The following PDE1C variants were observed in gnomAD, a reference collection of about 807,000 sequenced individuals.
PDE1C encodes the protein phosphodiesterase 1C.
In PDE1C, 62 loss-of-function variants were observed where a neutral mutation model predicts 93.1. That is an observed-to-expected ratio of 0.67 (90% CI 0.54 to 0.82). The LOEUF (loss-of-function observed/expected upper bound fraction) is 0.82. Ranked by LOEUF, PDE1C falls within the 40% of genes least tolerant of loss-of-function variation. The pLI is 0.00. For missense variants in PDE1C, 742 were observed against 884.6 expected, an observed-to-expected ratio of 0.84 and a Z score of 2.04; for synonymous variants, 325 against 310.1, an observed-to-expected ratio of 1.05 and a Z score of -0.50.
the PDE1C span, among the ~76,000 whole-genome samples, chr7:31,739,301 C>T: frequency 6.6e-6 from 1 of 151,874 alleles, no homozygotes; most frequent in African/African-American, 2.4e-5. Context: ...TAAAGCCTCA[C>T]TCAGGCATCA....
intron 3 of PDE1C, among the ~76,000 whole-genome samples, chr7:32,136,053 G>A (rs1800188201): frequency 6.6e-6 from 1 of 152,230 alleles, no homozygotes; most frequent in Admixed American, 6.5e-5. Flanking sequence ...TCACTTAAGT[G>A]GTATCTAAAA....
At chr7:32,058,561 A>G (rs1186142840) in intron 1 of PDE1C, among the ~76,000 whole-genome samples, 1 of 152,218 alleles carries the variant, frequency 6.6e-6, no homozygotes, top group African/African-American at 2.4e-5. Flanking sequence ...AGAAACTTCT[A>G]ATGGATCTCT....
chr7:31,848,442 T>C (rs749991638), intron 8 of PDE1C, among the ~76,000 whole-genome samples: 1 of 152,092 alleles, frequency 6.6e-6, no homozygotes, highest in Non-Finnish European at 1.5e-5. Flanking sequence ...TGGAATGACA[T>C]TTATTTTTAT....
chr7:31,878,468 T>A (rs879932885), intron 4 of PDE1C, among the ~76,000 whole-genome samples: 1 of 152,224 alleles, frequency 6.6e-6, no homozygotes, highest in Non-Finnish European at 1.5e-5. Flanking sequence ...TCTTTAAACT[T>A]ACCGTGGTGT....
chr7:32,015,293 T>A (rs1220524902), intron 2 of PDE1C, among the ~76,000 whole-genome samples: 1 of 127,628 alleles, frequency 7.8e-6, no homozygotes, highest in Non-Finnish European at 1.9e-5. Flanking sequence ...TTCAAATGAG[T>A]TTAAAAAAAA....
intron 2 of PDE1C, chr7:32,169,983 A>C (rs778481146): frequency 1.3e-6 from 2 of 1,597,956 alleles, no homozygotes; most frequent in South Asian, 2.2e-5. Flanking sequence ...AGAGAGATGC[A>C]GGTGAATCAT....
intron 2 of PDE1C, among the ~76,000 whole-genome samples, chr7:32,001,455 T>C (rs1011157607): frequency 6.6e-6 from 1 of 152,186 alleles, no homozygotes; most frequent in Non-Finnish European, 1.5e-5. Context: ...ATTACGGTTA[T>C]TTATGTGCAT....
At chr7:31,775,188 T>C (rs928432781) in intron 17 of PDE1C, among the ~76,000 whole-genome samples, 4 of 152,200 alleles carry the variant, frequency 2.6e-5, no homozygotes, top group Non-Finnish European at 5.9e-5. Context: ...ACTATGTCAA[T>C]ACTGGGCTAA....
chr7:31,728,017 T>C, the PDE1C span, among the ~76,000 whole-genome samples: 1 of 152,154 alleles, frequency 6.6e-6, no homozygotes, highest in African/African-American at 2.4e-5. Flanking sequence ...CCACTCCAGC[T>C]TGGGTGACAG....
chr7:32,311,593 G>C (rs925106165), intron 1 of PDE1C, among the ~76,000 whole-genome samples: 5 of 152,094 alleles, frequency 3.3e-5, no homozygotes, highest in Non-Finnish European at 5.9e-5. Flanking sequence ...TGCAAGGCTG[G>C]TTCAATATAC....
intron 16 of PDE1C, chr7:31,786,526 C>T (rs139145861): frequency 5.9e-5 from 9 of 152,208 alleles, no homozygotes; most frequent in African/African-American, 2.2e-4. Flanking sequence ...ATTTTGTTTG[C>T]ATTCACAAGT....
In PDE1C at chr7:32,256,173, A is replaced by C. The variant is rs112839066; in HGVS notation, c.85+42478T>G. Among the ~76,000 whole-genome samples, 1,483 of 152,304 alleles carry C rather than the reference A, an allele frequency of 9.7e-3. 29 individuals are homozygous for C. Among genetic ancestry groups the C allele is most frequent in the African/African-American group, 0.034 (1,428 of 41,570 alleles). On this transcript the variant is annotated intron_variant, in intron 1 of 18. Coordinates refer to the PDE1C transcript ENST00000396193. ...CTTCACCTAAGGCAAGCTTCACACA[A>C]AAAAAATTAATCCTCGGGGATGTGA...
chr7:32,417,459 C>T (rs1329576767), intron 1 of PDE1C, among the ~76,000 whole-genome samples: 1 of 152,088 alleles, frequency 6.6e-6, no homozygotes, highest in Non-Finnish European at 1.5e-5. Flanking sequence ...AACTCACAAA[C>T]AACTCAATAA....
intron 1 of PDE1C, among the ~76,000 whole-genome samples, chr7:32,261,657 C>A (rs1021800777): frequency 1.3e-5 from 2 of 152,136 alleles, no homozygotes; most frequent in African/African-American, 2.4e-5. Flanking sequence ...CACTGTTGGC[C>A]TCTTAGATCA....
At chr7:32,263,518 T>A (rs574588520) in intron 1 of PDE1C, among the ~76,000 whole-genome samples, 2 of 152,194 alleles carry the variant, frequency 1.3e-5, no homozygotes, top group Middle Eastern at 6.3e-3. Flanking sequence ...CATACTACAA[T>A]TATCAACCTC....
At chr7:32,197,502 A>G (rs13438120) in intron 2 of PDE1C, among the ~76,000 whole-genome samples, 32,559 of 152,156 alleles carry the variant, frequency 0.21, 4,342 homozygotes, top group Admixed American at 0.34. Flanking sequence ...ATATACAAAT[A>G]TCCATAGCAA....
At chr7:31,820,383 C>T (rs939627897) in intron 14 of PDE1C, 2 of 151,932 alleles carry the variant, frequency 1.3e-5, no homozygotes, top group African/African-American at 4.8e-5. Context: ...AAAAAAAGTA[C>T]TAAATACTGA....
At chr7:31,803,840 T>C (rs1250340762) in intron 16 of PDE1C, among the ~76,000 whole-genome samples, 1 of 152,034 alleles carries the variant, frequency 6.6e-6, no homozygotes, top group Non-Finnish European at 1.5e-5. Context: ...CTATTGTGAA[T>C]AGTGCTGCTA....
rs112162875 is a variant in PDE1C at position 32,357,332 on chromosome 7, A to T, written c.310+70490T>A. 1.9e-3 allele frequency among the ~76,000 whole-genome samples: 259 copies of T among 134,918 alleles called. 1 individual carries two copies. Among genetic ancestry groups the T allele is most frequent in the African/African-American group, 7.2e-3 (224 of 31,168 alleles). 88.5% of individuals were successfully genotyped at this position (134,918 alleles called of 152,430 possible). A position where few individuals can be genotyped will look rare whatever the true frequency, so the allele number is the denominator to read the frequency against. On this transcript the variant is annotated intron_variant, in intron 1 of 1. Transcript: ENST00000672256. Reference sequence around the variant, plus strand: ...CTGGGCAACAGAGCGAGATTCCATCACACACAAAAAAAAAACCTTTAAGTG... The same window carrying T: ...CTGGGCAACAGAGCGAGATTCCATCTCACACAAAAAAAAAACCTTTAAGTG...
Sources: allele counts gnomAD v4.1 joint callset (sites outside exome capture counted in the v4.1 genomes callset), GRCh38; gene constraint gnomAD v4.1.1; transcripts MANE v1.5; gene names NCBI Gene and HGNC (gene_info 2026-07-23, HGNC 2026-07-21).